The following ADK variants were observed in gnomAD, a reference collection of about 807,000 sequenced individuals.
ADK encodes the protein adenosine kinase.
A neutral mutation model predicts 44.7 loss-of-function variants in ADK; 24 were observed. That is an observed-to-expected ratio of 0.54 (90% CI 0.39 to 0.76). The LOEUF is 0.76. ADK is among the 30% of genes least tolerant of loss of function. ADK has a pLI of 0.00. For synonymous variants in ADK, 128 were observed against 142.6 expected, an observed-to-expected ratio of 0.90 and a Z score of 0.73; for missense variants, 321 against 425.1, an observed-to-expected ratio of 0.76 and a Z score of 2.15.
chr10:74,260,153 A>G (rs770707251), intron 3 of ADK, among the ~76,000 whole-genome samples: 2 of 152,098 alleles, frequency 1.3e-5, no homozygotes, highest in Non-Finnish European at 1.5e-5. Flanking sequence ...ATCTTGCCCT[A>G]TGTTTCTCTG....
At chr10:74,580,496 A>C (rs1214158286) in intron 7 of ADK, among the ~76,000 whole-genome samples, 3 of 151,694 alleles carry the variant, frequency 2.0e-5, no homozygotes, top group African/African-American at 7.3e-5. Context: ...AATTGCTTGA[A>C]CCCAGAAGGC....
intron 9 of ADK, among the ~76,000 whole-genome samples, chr10:74,601,809 A>G (rs1448218869): frequency 6.6e-6 from 1 of 151,800 alleles, no homozygotes; most frequent in Non-Finnish European, 1.5e-5. Flanking sequence ...AGAAAGGAGG[A>G]CAAGTGGGCA....
chr10:74,699,218 T>A (rs1031257485), intron 10 of ADK, among the ~76,000 whole-genome samples: 1 of 150,132 alleles, frequency 6.7e-6, no homozygotes, highest in Non-Finnish European at 1.5e-5. Context: ...AACCACACTC[T>A]GGGGCCTGAG....
chr10:74,394,020 C>T, intron 4 of ADK, 121 bp from the exon 5 acceptor site: 1 of 994,614 alleles, frequency 1.0e-6, no homozygotes, highest in Admixed American at 1.7e-5. Context: ...ATTGAAATCC[C>T]ATTCATAACA....
At chr10:74,666,866 T>C (rs972693962) in intron 9 of ADK, among the ~76,000 whole-genome samples, 1 of 147,510 alleles carries the variant, frequency 6.8e-6, no homozygotes, top group Non-Finnish European at 1.5e-5. Flanking sequence ...TGAGTCTCAC[T>C]GTTGCCCAGG....
intron 4 of ADK, among the ~76,000 whole-genome samples, chr10:74,326,147 AT>A (rs1157983284): frequency 6.6e-6 from 1 of 152,036 alleles, no homozygotes; most frequent in Non-Finnish European, 1.5e-5. Context: ...TTTTTCTTCT[AT>A]GTTCATCGGA....
intron 4 of ADK, among the ~76,000 whole-genome samples, chr10:74,333,932 C>A (rs1373489154): frequency 1.3e-5 from 2 of 151,716 alleles, no homozygotes; most frequent in South Asian, 2.1e-4. Context: ...TTACTTTTTT[C>A]TAGAAAAGAA....
At chr10:74,180,084 T>C (rs974153027) in intron 1 of ADK, among the ~76,000 whole-genome samples, 5 of 152,104 alleles carry the variant, frequency 3.3e-5, no homozygotes, top group African/African-American at 1.2e-4. Flanking sequence ...AGTATGTGAC[T>C]CTTTTCATAG....
At chr10:74,279,271 C>G (rs1460400970) in intron 3 of ADK, among the ~76,000 whole-genome samples, 1 of 150,970 alleles carries the variant, frequency 6.6e-6, no homozygotes, top group African/African-American at 2.4e-5. Flanking sequence ...CAGAGCGAGA[C>G]TCCATCTTAA....
chr10:74,231,001 A>T (rs1007752627), intron 3 of ADK, among the ~76,000 whole-genome samples: 2 of 151,674 alleles, frequency 1.3e-5, no homozygotes, highest in Admixed American at 1.3e-4. Flanking sequence ...TTTTTTTTTT[A>T]AAGGGATTAA....
intron 4 of ADK, among the ~76,000 whole-genome samples, chr10:74,349,035 C>G (rs2131897853): frequency 6.6e-6 from 1 of 152,110 alleles, no homozygotes; most frequent in East Asian, 1.9e-4. Flanking sequence ...CAAGACAGGC[C>G]AACACTCAAA....
rs142009109 is a variant in ADK, at chr10:74,194,536, G to A, written c.66-6228G>A. On this transcript the variant is annotated intron_variant, in intron 1 of 10. Coordinates refer to ENST00000539909, the MANE Select transcript of ADK (RefSeq NM_006721.4). The stretch of plus-strand genomic sequence containing the variant: ...TTGGATTTTATCCTATTAATAATCA[G>A]AAGCTAGGTAGATTTTAAGTAGAAA... 4.6e-5 allele frequency among the ~76,000 whole-genome samples: 7 copies of A among 152,262 alleles called. No individual in the cohort carries two copies. In the East Asian group the frequency reaches 5.8e-4, roughly 13 times the overall value.
intron 6 of ADK, among the ~76,000 whole-genome samples, chr10:74,455,997 G>A (rs1045515689): frequency 2.0e-5 from 3 of 151,902 alleles, no homozygotes; most frequent in Admixed American, 6.6e-5. Flanking sequence ...TGTTCTTCTC[G>A]ATATGTATGC....
chr10:74,517,271 C>A (rs574979554), intron 6 of ADK, among the ~76,000 whole-genome samples: 1 of 152,298 alleles, frequency 6.6e-6, no homozygotes, highest in African/African-American at 2.4e-5. Context: ...TAAAGCCCAT[C>A]TTCTTTCTAC....
chr10:74,606,178 CTT>C (rs1472144181), intron 9 of ADK, among the ~76,000 whole-genome samples: 2 of 151,976 alleles, frequency 1.3e-5, no homozygotes, highest in Non-Finnish European at 2.9e-5. Flanking sequence ...TTTTGTTAAT[CTT>C]TGCAAAAAAC....
chr10:74,642,581 A>T (rs917706962), intron 9 of ADK, among the ~76,000 whole-genome samples: 1 of 152,000 alleles, frequency 6.6e-6, no homozygotes, highest in Non-Finnish European at 1.5e-5. Context: ...CTCTGATCTC[A>T]TGGTTACTGA....
At chr10:74,636,877 A>G (rs1853637694) in intron 9 of ADK, among the ~76,000 whole-genome samples, 1 of 152,230 alleles carries the variant, frequency 6.6e-6, no homozygotes, top group Non-Finnish European at 1.5e-5. Context: ...GTCACAGGCA[A>G]AGAAGAGTAG....
chr10:74,564,965 A>G (rs940349705), intron 7 of ADK, among the ~76,000 whole-genome samples: 5 of 152,066 alleles, frequency 3.3e-5, no homozygotes, highest in African/African-American at 1.2e-4. Flanking sequence ...GGACATGAAC[A>G]TCTTGGCCAA....
chr10:74,664,674 C>T (rs1387922720), intron 9 of ADK, among the ~76,000 whole-genome samples: 1 of 152,064 alleles, frequency 6.6e-6, no homozygotes, highest in African/African-American at 2.4e-5. Flanking sequence ...GAAACTCCGT[C>T]TCTACTAAAA....
Sources: gnomAD v4.1 joint callset for allele counts (sites outside exome capture counted in the v4.1 genomes callset) on GRCh38, gnomAD v4.1.1 for gene constraint, MANE v1.5 for transcripts, NCBI Gene and HGNC (gene_info 2026-07-23, HGNC 2026-07-21) for gene names.